Variants in MROH1 observed in about 807,000 individuals in gnomAD.
MROH1 encodes the protein maestro heat like repeat family member 1.
Under a neutral mutation model 116.5 loss-of-function variants are expected in MROH1, and 117 were observed. The observed-to-expected ratio is 1.00, with a 90% confidence interval of 0.86 to 1.17. The LOEUF (loss-of-function observed/expected upper bound fraction) is 1.17. MROH1 is among the 50% of genes most tolerant of loss of function. The pLI, the probability that MROH1 is intolerant of heterozygous loss-of-function variation, is 0.00. For synonymous variants in MROH1, 921 were observed against 583.9 expected, an observed-to-expected ratio of 1.58 and a Z score of -8.32; for missense variants, 1,873 against 1,338.5, an observed-to-expected ratio of 1.40 and a Z score of -6.23.
intron 33 of MROH1, chr8:144,252,805 A>C (rs1843056424): frequency 6.7e-6 from 1 of 149,822 alleles, no homozygotes; most frequent in Non-Finnish European, 1.5e-5. Context: ...AAAAATACAA[A>C]ATTAGCCAGG....
At chr8:144,221,888 C>G (rs1025868994) in intron 13 of MROH1, among the ~76,000 whole-genome samples, 1 of 152,028 alleles carries the variant, frequency 6.6e-6, no homozygotes, top group Non-Finnish European at 1.5e-5. Flanking sequence ...GGCGTGGTCA[C>G]GATGCTGGAG....
At chr8:144,211,237 T>C (rs903903730) in intron 12 of MROH1, among the ~76,000 whole-genome samples, 3 of 152,240 alleles carry the variant, frequency 2.0e-5, no homozygotes, top group African/African-American at 4.8e-5. Context: ...AGGAGTCATG[T>C]GATATGTGGT....
chr8:144,243,365 G>T, intron 24 of MROH1, 129 bp from the exon 25 acceptor site: 1 of 690,128 alleles, frequency 1.4e-6, no homozygotes, highest in South Asian at 1.5e-5. Context: ...AAGCAAAAGG[G>T]CTGGCTAGAG....
At chr8:144,259,406 G>C in intron 37 of MROH1, 52 bp downstream of exon 37, 1 of 713,522 alleles carries the variant, frequency 1.4e-6, no homozygotes, top group East Asian at 2.7e-5. Context: ...CTCCTGCTCA[G>C]GACAGGCACG....
At chr8:144,191,568 TG>T in intron 8 of MROH1, 146 bp from the exon 9 acceptor site, 1 of 1,089,648 alleles carries the variant, frequency 9.2e-7, no homozygotes, top group Non-Finnish European at 1.3e-6. Flanking sequence ...AGCTGACCTC[TG>T]GGTGCTAGGC....
Position 144,223,120 on chromosome 8 carries a change from G to A in MROH1, c.1228G>A (p.Val410Met), listed in dbSNP as rs1231869610. The change falls in exon 14 of 44, where the codon GTG becomes ATG. Residue 410 changes from valine to methionine, a missense_variant. Transcript: ENST00000326134. ...GTTCTCTGGGCAGGTGAAGCGGGCA[G>A]TGGTGCAGGTGATTAGCGCCATGGC... Reference protein sequence around the residue: ...LDTNSKVKRAVVQVISAMAHH... With the variant: ...LDTNSKVKRAMVQVISAMAHH... 5 of 1,613,334 alleles carry A rather than the reference G, an allele frequency of 3.1e-6. No homozygotes were observed. The highest frequency in any genetic ancestry group is 1.7e-5 in the Admixed American group (1 of 59,946).
chr8:144,223,488 G>A (rs977666386), intron 14 of MROH1, among the ~76,000 whole-genome samples: 14 of 152,078 alleles, frequency 9.2e-5, no homozygotes, highest in African/African-American at 2.7e-4. Context: ...AGACCCTCCC[G>A]CCTCAGCCCC....
intron 4 of MROH1, among the ~76,000 whole-genome samples, chr8:144,173,945 G>A (rs1055280584): frequency 3.9e-5 from 6 of 152,122 alleles, no homozygotes; most frequent in Admixed American, 2.6e-4. Context: ...ATGGCTCTTG[G>A]GGGAGAGGGG....
chr8:144,240,248 C>T (rs2132884153), intron 19 of MROH1, 95 bp downstream of exon 19: 1 of 651,102 alleles, frequency 1.5e-6, no homozygotes, highest in East Asian at 2.7e-5. Context: ...GCCTCGACCT[C>T]ACCTCGTGGT....
In MROH1 at chr8:144,192,301, C is replaced by T. The variant is rs6989543; in HGVS notation, c.856-8C>T. On this transcript the variant is annotated splice_region_variant and splice_polypyrimidine_tract_variant and intron_variant, in intron 9 of 43. Transcript: ENST00000326134. ...GGACTGACGGCCTCTTCTCCCTACC[C>T]GGAGCAGAGCCTGGGCCAGATCCTC... is the stretch of plus-strand genomic sequence containing the variant. 0.039 allele frequency: 61,453 copies of T among 1,583,102 alleles called. 2,666 individuals carry two copies. Among genetic ancestry groups the T allele is most frequent in the African/African-American group, 0.21 (15,667 of 74,362 alleles).
chr8:144,156,241 GAAAAAAA>G (rs1218482716), intron 1 of MROH1, among the ~76,000 whole-genome samples: 16 of 58,524 alleles, frequency 2.7e-4, no homozygotes, highest in South Asian at 8.0e-4. Context: ...CCGTCTCAAA[GAAAAAAA>G]AAAAAAAAAA....
intron 33 of MROH1, among the ~76,000 whole-genome samples, chr8:144,254,081 A>T (rs1843279372): frequency 2.6e-5 from 4 of 152,172 alleles, no homozygotes; most frequent in Non-Finnish European, 1.5e-5. Context: ...AATGTACGTT[A>T]GCCCTCATTC....
chr8:144,158,074 A>ACTC (rs1286618707), intron 1 of MROH1, among the ~76,000 whole-genome samples: 11 of 126,536 alleles, frequency 8.7e-5, no homozygotes, highest in Non-Finnish European at 1.7e-4. Context: ...CTCACTGCAA[A>ACTC]CTCCGCCCCC....
chr8:144,168,273 T>C, intron 3 of MROH1, 22 bp from the exon 4 acceptor site: 3 of 1,574,294 alleles, frequency 1.9e-6, no homozygotes, highest in African/African-American at 1.3e-5. Context: ...CTGAGCATGC[T>C]AACCAGGCTT....
Position 144,163,045 on chromosome 8 carries a change from C to T in MROH1, c.-56-726C>T, listed in dbSNP as rs946693781. Reference sequence around the variant, plus strand: ...CCAAGATTTCTATGATTTCTTACTTCGCCTCCAACCCATGTGTGCACAGCG... The same window carrying T: ...CCAAGATTTCTATGATTTCTTACTTTGCCTCCAACCCATGTGTGCACAGCG... On this transcript the variant is annotated intron_variant, in intron 2 of 43. Coordinates refer to ENST00000326134, the MANE Select transcript of MROH1 (RefSeq NM_032450.3). The surrounding 1 kb of genome is among the most constrained non-coding windows in gnomAD (Gnocchi z 4.4). Among the ~76,000 whole-genome samples the T allele has an allele frequency of 6.6e-6, 1 of 152,204 alleles. No homozygotes were observed. Among genetic ancestry groups the T allele is most frequent in the Admixed American group, 6.5e-5 (1 of 15,280 alleles).
chr8:144,198,894 G>A (rs552616209), intron 10 of MROH1, among the ~76,000 whole-genome samples: 6 of 152,234 alleles, frequency 3.9e-5, no homozygotes, highest in East Asian at 3.9e-4. Context: ...CTCCCCCACC[G>A]TAAGGAGATG....
At chr8:144,205,079 G>A (rs528023055) in intron 12 of MROH1, among the ~76,000 whole-genome samples, 26 of 152,260 alleles carry the variant, frequency 1.7e-4, no homozygotes, top group African/African-American at 6.0e-4. Context: ...GGTATGTTAT[G>A]AGGTCCTGCT....
At chr8:144,192,981 G>A (rs1024179623) in intron 10 of MROH1, 18 of 224,170 alleles carry the variant, frequency 8.0e-5, no homozygotes, top group Admixed American at 7.4e-4. Flanking sequence ...GGGGCAGGGA[G>A]CTAGAGAGGG....
At chr8:144,216,797 C>T (rs1340971689) in intron 12 of MROH1, among the ~76,000 whole-genome samples, 3 of 150,756 alleles carry the variant, frequency 2.0e-5, no homozygotes, top group Admixed American at 1.3e-4. Flanking sequence ...TCAAGCGATT[C>T]TCCTGCCTCA....
Sources: gnomAD v4.1 joint callset for allele counts (sites outside exome capture counted in the v4.1 genomes callset) on GRCh38, gnomAD v4.1.1 for gene constraint, Gnocchi (gnomAD v3.1) non-coding constraint, MANE v1.5 for transcripts, NCBI Gene and HGNC (gene_info 2026-07-23, HGNC 2026-07-21) for gene names.